Variants in KLF8 observed in about 807,000 individuals in gnomAD.
The protein encoded by KLF8 is Krueppel-like factor 8.
KLF8 carries 10 observed loss-of-function variants against 18.2 expected under a neutral mutation model. The observed-to-expected ratio is 0.55, with a 90% CI of 0.34 to 0.93. The LOEUF is 0.93. Ranked by LOEUF, KLF8 falls within the 40% of genes least tolerant of loss-of-function variation. The probability of loss-of-function intolerance (pLI) is 0.02; values close to 1 mark genes in which losing one functional copy is unlikely to be tolerated. For synonymous variants in KLF8, 109 were observed against 97.3 expected, an observed-to-expected ratio of 1.12 and a Z score of -0.71; for missense variants, 264 against 277.9, an observed-to-expected ratio of 0.95 and a Z score of 0.36.
chrX:56,182,404 G>A, the KLF8 span, among the ~76,000 whole-genome samples: 92 of 111,993 alleles, frequency 8.2e-4, no homozygotes, highest in African/African-American at 2.8e-3. Context: ...TCGTGGGTTT[G>A]AACATCCTCC....
At chrX:56,078,772 T>C in the KLF8 span, among the ~76,000 whole-genome samples, 1 of 111,517 alleles carries the variant, frequency 9.0e-6, no homozygotes, top group Non-Finnish European at 1.9e-5. Flanking sequence ...CATCTGGTCC[T>C]GGACTCTTTT....
chrX:56,032,992 A>G, the KLF8 span, among the ~76,000 whole-genome samples: 1 of 111,963 alleles, frequency 8.9e-6, no homozygotes, highest in African/African-American at 3.2e-5. Flanking sequence ...CCTTGCCACC[A>G]TTTGTGTTTT....
At chrX:55,972,144 G>T in the KLF8 span, among the ~76,000 whole-genome samples, 2 of 111,690 alleles carry the variant, frequency 1.8e-5, no homozygotes. Flanking sequence ...CAACCTAAGT[G>T]TCTGTCAACA....
the KLF8 span, among the ~76,000 whole-genome samples, chrX:56,106,346 G>T: frequency 2.7e-5 from 3 of 111,944 alleles, no homozygotes; most frequent in Non-Finnish European, 3.8e-5. Flanking sequence ...ATCACTTTCA[G>T]GTACACCAAT....
At chrX:56,066,991 A>C in the KLF8 span, among the ~76,000 whole-genome samples, 1 of 109,692 alleles carries the variant, frequency 9.1e-6, no homozygotes, top group Non-Finnish European at 1.9e-5. Flanking sequence ...CCATTAACTG[A>C]AGATCCTTTC....
At chrX:56,165,470 TC>T in the KLF8 span, among the ~76,000 whole-genome samples, 2 of 112,718 alleles carry the variant, frequency 1.8e-5, no homozygotes, top group Non-Finnish European at 3.7e-5. Context: ...ATGGATTTTT[TC>T]CTATGCATGA....
the KLF8 span, among the ~76,000 whole-genome samples, chrX:56,048,542 T>G: frequency 8.9e-6 from 1 of 112,262 alleles, no homozygotes; most frequent in African/African-American, 3.2e-5. Flanking sequence ...CCCCATTTCT[T>G]GTTTTTGTCA....
the KLF8 span, among the ~76,000 whole-genome samples, chrX:55,952,456 A>G: frequency 9.0e-6 from 1 of 111,691 alleles, no homozygotes; most frequent in South Asian, 3.8e-4. Flanking sequence ...GGCTCTAGGG[A>G]ATAATTTGTT....
chrX:55,922,533 G>C, the KLF8 span, among the ~76,000 whole-genome samples: 1 of 112,179 alleles, frequency 8.9e-6, no homozygotes, highest in Non-Finnish European at 1.9e-5. Context: ...CTATGTGATG[G>C]GTTGATAGGT....
chrX:56,134,567 C>A, the KLF8 span, among the ~76,000 whole-genome samples: 1 of 111,516 alleles, frequency 9.0e-6, no homozygotes, highest in Non-Finnish European at 1.9e-5. Context: ...TAGAAGATAA[C>A]ACTGGAAAAA....
chrX:56,058,279 CATATATATATATATATAT>C, the KLF8 span, among the ~76,000 whole-genome samples: 2 of 7,311 alleles, frequency 2.7e-4, no homozygotes, highest in East Asian at 4.1e-3. Flanking sequence ...CATATATATA[CATATATATATATATATAT>C]ATATATATAT....
chrX:56,080,203 G>T, the KLF8 span, among the ~76,000 whole-genome samples: 141 of 109,174 alleles, frequency 1.3e-3, no homozygotes, highest in Middle Eastern at 4.7e-3. Context: ...GATGTTAGTT[G>T]GTTATTTTGC....
At chrX:55,921,713 A>G in the KLF8 span, among the ~76,000 whole-genome samples, 1 of 111,991 alleles carries the variant, frequency 8.9e-6, no homozygotes, top group Non-Finnish European at 1.9e-5. Flanking sequence ...TTTGCAATCT[A>G]TCCTTCAGAC....
chrX:56,198,396 G>A, the KLF8 span, among the ~76,000 whole-genome samples: 5 of 111,940 alleles, frequency 4.5e-5, no homozygotes, highest in Non-Finnish European at 9.4e-5. Flanking sequence ...AAAGTCTCAG[G>A]ATAGAAAATC....
intron 3 of KLF8, chrX:56,266,817 T>C (rs1162101337): frequency 5.2e-5 from 39 of 753,885 alleles, no homozygotes; most frequent in Non-Finnish European, 5.9e-5. Flanking sequence ...CCCTTGAAAT[T>C]TGATGCCCTG....
At chrX:55,984,347 G>A in the KLF8 span, among the ~76,000 whole-genome samples, 1 of 111,175 alleles carries the variant, frequency 9.0e-6, no homozygotes, top group African/African-American at 3.3e-5. Flanking sequence ...TTATAAGTGA[G>A]AACATATGGT....
the KLF8 span, among the ~76,000 whole-genome samples, chrX:56,073,223 G>A: frequency 5.4e-5 from 6 of 111,527 alleles, no homozygotes; most frequent in African/African-American, 1.3e-4. Flanking sequence ...TCCTGACCTC[G>A]TGATCCGACC....
chrX:55,948,444 C>T, the KLF8 span, among the ~76,000 whole-genome samples: 1 of 111,818 alleles, frequency 8.9e-6, no homozygotes, highest in Non-Finnish European at 1.9e-5. Flanking sequence ...ATCATTTTAC[C>T]TGGAATGTCT....
At chrX:55,944,615 G>A in the KLF8 span, among the ~76,000 whole-genome samples, 3 of 111,682 alleles carry the variant, frequency 2.7e-5, no homozygotes, top group African/African-American at 9.8e-5. Context: ...TAGTTTATTT[G>A]CGTAGAGGTG....
Sources: allele counts gnomAD v4.1 joint callset (sites outside exome capture counted in the v4.1 genomes callset), GRCh38; gene constraint gnomAD v4.1.1; transcripts MANE v1.5; gene names NCBI Gene and HGNC (gene_info 2026-07-23, HGNC 2026-07-21).